Variants in ETV6 observed in about 807,000 individuals in gnomAD.
ETV6 encodes the protein transcription factor ETV6.
Under a neutral mutation model 51.1 loss-of-function variants are expected in ETV6, and 16 were observed. That is an observed-to-expected ratio of 0.31 (90% CI 0.21 to 0.48). ETV6 has a LOEUF of 0.48. ETV6 is among the 20% of genes least tolerant of loss of function. The pLI is 0.99. For missense variants in ETV6, 458 were observed against 594.8 expected (o/e 0.77, Z 2.39); for synonymous variants, 240 against 224.1 (o/e 1.07, Z -0.64).
At chr12:11,746,999 C>T (rs1238228113) in intron 1 of ETV6, among the ~76,000 whole-genome samples, 5 of 152,040 alleles carry the variant, frequency 3.3e-5, no homozygotes, top group Admixed American at 6.5e-5. Context: ...ACGTCCTGAA[C>T]CATCTACATA....
At chr12:11,822,178 G>A (rs1185655505) in intron 2 of ETV6, among the ~76,000 whole-genome samples, 1 of 152,214 alleles carries the variant, frequency 6.6e-6, no homozygotes, top group Non-Finnish European at 1.5e-5. Flanking sequence ...GAGGCATAGT[G>A]GGCATCTCCT....
chr12:11,841,250 G>A (rs1946386786), intron 3 of ETV6, among the ~76,000 whole-genome samples: 2 of 152,200 alleles, frequency 1.3e-5, no homozygotes, highest in African/African-American at 2.4e-5. Context: ...CCACTTTGTC[G>A]AGTCTTTGTC....
At chr12:11,695,191 T>G (rs1591614629) in intron 1 of ETV6, among the ~76,000 whole-genome samples, 1 of 152,166 alleles carries the variant, frequency 6.6e-6, no homozygotes, top group Non-Finnish European at 1.5e-5. Context: ...ATTACTGTGA[T>G]AGGAACAGAT....
Position 11,817,162 on chromosome 12 carries a change from T to C in ETV6, c.164-21978T>C, listed in dbSNP as rs114963608. Among the ~76,000 whole-genome samples the C allele has an allele frequency of 4.2e-3, 646 of 152,328 alleles. 6 individuals are homozygous for C. Among genetic ancestry groups the C allele is most frequent in the African/African-American group, 0.015 (624 of 41,578 alleles). On this transcript the variant is annotated intron_variant, in intron 2 of 7. Coordinates refer to ENST00000396373, the MANE Select transcript of ETV6 (RefSeq NM_001987.5). Reference sequence around the variant, plus strand: ...CTCTGACCATGTCTGCATTTTCTCATCTGGAAAATGGGAACAGTAATATCC... The same window carrying C: ...CTCTGACCATGTCTGCATTTTCTCACCTGGAAAATGGGAACAGTAATATCC...
At chr12:11,651,364 CAGT>C (rs770174594) in intron 1 of ETV6, among the ~76,000 whole-genome samples, 12 of 152,180 alleles carry the variant, frequency 7.9e-5, no homozygotes, top group Non-Finnish European at 1.8e-4. Flanking sequence ...AGGGGAAACG[CAGT>C]AGTTCATCAT....
intron 7 of ETV6, among the ~76,000 whole-genome samples, chr12:11,888,393 CTTTTCT>C (rs1565569604): frequency 2.1e-5 from 1 of 48,290 alleles, no homozygotes; most frequent in Admixed American, 1.8e-4. Flanking sequence ...CTTTTCTTTT[CTTTTCT>C]TTTTTTTTTT....
chr12:11,831,191 G>A (rs1480982630), intron 2 of ETV6, among the ~76,000 whole-genome samples: 1 of 151,792 alleles, frequency 6.6e-6, no homozygotes, highest in Non-Finnish European at 1.5e-5. Context: ...TAAATAGTTT[G>A]TGTGTGTGTG....
At chr12:11,806,755 G>A (rs1945835409) in intron 2 of ETV6, among the ~76,000 whole-genome samples, 2 of 152,206 alleles carry the variant, frequency 1.3e-5, no homozygotes, top group South Asian at 2.1e-4. Flanking sequence ...TGCATGTTCT[G>A]TGTAGGGATA....
At chr12:11,825,007 A>G (rs983433615) in intron 2 of ETV6, among the ~76,000 whole-genome samples, 1 of 152,272 alleles carries the variant, frequency 6.6e-6, no homozygotes, top group Non-Finnish European at 1.5e-5. Flanking sequence ...AATCCCACAC[A>G]AAGTTTTTAT....
Position 11,839,259 on chromosome 12 carries a change from C to T in ETV6, c.283C>T (p.Leu95=), listed in dbSNP as rs777144505. 5.0e-6 allele frequency: 8 copies of T among 1,614,214 alleles called. No homozygotes were observed. Among genetic ancestry groups the T allele is most frequent in the Non-Finnish European group, 6.8e-6 (8 of 1,180,028 alleles). ...NTFEMNGKAL[L]LLTKEDFRYR... is the part of the protein sequence containing the mutation. The stretch of plus-strand genomic sequence containing the variant: ...GTTTGAAATGAATGGCAAAGCTCTC[C>T]TGCTGCTGACCAAAGAGGACTTTCG... The change falls in exon 3 of 8, where the codon CTG becomes TTG. Residue 95 remains leucine, a synonymous_variant. Coordinates refer to ENST00000396373, the MANE Select transcript of ETV6 (RefSeq NM_001987.5).
intron 1 of ETV6, among the ~76,000 whole-genome samples, chr12:11,725,175 T>C (rs1453359395): frequency 6.9e-5 from 10 of 144,388 alleles, no homozygotes; most frequent in South Asian, 2.2e-4. Context: ...TTTTTTTTTT[T>C]CCACTCAACT....
chr12:11,727,624 G>C (rs1358171751), intron 1 of ETV6, among the ~76,000 whole-genome samples: 2 of 152,028 alleles, frequency 1.3e-5, no homozygotes, highest in African/African-American at 4.8e-5. Context: ...TTAAAAGCGT[G>C]GGGGGAATGG....
intron 2 of ETV6, among the ~76,000 whole-genome samples, chr12:11,799,402 T>C (rs1419249151): frequency 6.6e-6 from 1 of 152,132 alleles, no homozygotes; most frequent in African/African-American, 2.4e-5. Flanking sequence ...GTCCATGCCC[T>C]CTGTAGCCCC....
intron 1 of ETV6, among the ~76,000 whole-genome samples, chr12:11,650,504 A>AAAAAAAAAAAAAAAAAAAAAAAAAAAAAC (rs1555109540): frequency 1.1e-5 from 1 of 94,230 alleles, no homozygotes; most frequent in Non-Finnish European, 2.0e-5. Context: ...AACAAAAAAC[A>AAAAAAAAAAAAAAAAAAAAAAAAAAAAAC]AAAAAAAAAA....
At chr12:11,751,412 T>TA (rs1866024746) in intron 1 of ETV6, 1 of 518,946 alleles carries the variant, frequency 1.9e-6, no homozygotes, top group African/African-American at 1.9e-5. Context: ...GTGTGTTCCA[T>TA]TTTACATTGC....
chr12:11,724,131 C>G (rs138325654), intron 1 of ETV6, among the ~76,000 whole-genome samples: 1 of 152,278 alleles, frequency 6.6e-6, no homozygotes, highest in Non-Finnish European at 1.5e-5. Flanking sequence ...GGTTTAAACT[C>G]TCAACTAAGG....
rs555367262 is a variant in ETV6 at position 11,820,591 on chromosome 12, C to T, written c.164-18549C>T. On this transcript the variant is annotated intron_variant, in intron 2 of 7. Coordinates refer to ENST00000396373, the MANE Select transcript of ETV6 (RefSeq NM_001987.5). ...ATATCAGCTGAAGGAACAGCAAGTC[C>T]AAAGGCCCTGAGGTGGGAATAGTTC... is the stretch of plus-strand genomic sequence containing the variant. Among the ~76,000 whole-genome samples, 12 of 152,152 alleles carry T rather than the reference C, an allele frequency of 7.9e-5. 1 individual carries two copies. The East Asian group carries it at 2.3e-3, about 29-fold the overall frequency.
At chr12:11,749,401 G>A (rs771320048) in intron 1 of ETV6, among the ~76,000 whole-genome samples, 8 of 150,582 alleles carry the variant, frequency 5.3e-5, no homozygotes, top group Non-Finnish European at 7.4e-5. Context: ...GTTTTCATCT[G>A]TCTGACAATT....
chr12:11,858,331 G>A (rs986953930), intron 4 of ETV6, among the ~76,000 whole-genome samples: 27 of 151,970 alleles, frequency 1.8e-4, no homozygotes, highest in Non-Finnish European at 4.0e-4. Flanking sequence ...GTCACGTGCA[G>A]TTGTGATGAT....
Sources: gnomAD v4.1 joint callset for allele counts (sites outside exome capture counted in the v4.1 genomes callset) on GRCh38, gnomAD v4.1.1 for gene constraint, MANE v1.5 for transcripts, NCBI Gene and HGNC (gene_info 2026-07-23, HGNC 2026-07-21) for gene names.